Variants in MORC1 observed in about 807,000 individuals in gnomAD.
The protein encoded by MORC1 is MORC family CW-type zinc finger protein 1.
MORC1 carries 59 observed loss-of-function variants against 134.9 expected under a neutral mutation model. That is an observed-to-expected ratio of 0.44 (90% CI 0.35 to 0.54). The LOEUF (loss-of-function observed/expected upper bound fraction) is 0.54. Among genes scored for constraint, MORC1 ranks in the 20% least tolerant of loss-of-function variants. The probability of loss-of-function intolerance (pLI) is 0.00; values close to 1 mark genes in which losing one functional copy is unlikely to be tolerated. For missense variants in MORC1, 947 were observed against 1,134.5 expected (o/e 0.83, Z 2.37); for synonymous variants, 395 against 391.7 (o/e 1.01, Z -0.10).
At chr3:109,023,025 T>C (rs962136346) in intron 17 of MORC1, among the ~76,000 whole-genome samples, 7 of 145,304 alleles carry the variant, frequency 4.8e-5, no homozygotes, top group Non-Finnish European at 7.6e-5. Flanking sequence ...CTTTTCTAAG[T>C]AGGTAAATGA....
chr3:109,009,301 GT>G (rs1429869217), intron 17 of MORC1, among the ~76,000 whole-genome samples: 1 of 150,200 alleles, frequency 6.7e-6, no homozygotes, highest in East Asian at 1.9e-4. Context: ...CACCTCCTGG[GT>G]TCGAGTGATC....
intron 17 of MORC1, among the ~76,000 whole-genome samples, chr3:109,017,264 C>G (rs766072121): frequency 1.4e-4 from 21 of 152,102 alleles, no homozygotes; most frequent in Non-Finnish European, 2.6e-4. Context: ...ATTTAATAAT[C>G]TAATGGAATT....
chr3:109,031,681 G>C (rs960369417), intron 16 of MORC1, among the ~76,000 whole-genome samples: 3 of 152,176 alleles, frequency 2.0e-5, no homozygotes, highest in Non-Finnish European at 4.4e-5. Context: ...AAGAAGAATA[G>C]AACAGTGTTT....
intron 14 of MORC1, among the ~76,000 whole-genome samples, chr3:109,045,980 T>TTTTAGAACC: frequency 6.6e-6 from 1 of 152,254 alleles, no homozygotes; most frequent in Admixed American, 6.5e-5. Flanking sequence ...TGCAAGAAAC[T>TTTTAGAACC]TTTAGAACCC....
chr3:109,022,335 A>C (rs1948977937), intron 17 of MORC1, among the ~76,000 whole-genome samples: 2 of 152,350 alleles, frequency 1.3e-5, no homozygotes, highest in East Asian at 3.9e-4. Context: ...TCTTCATACA[A>C]AGCTGTACTC....
At chr3:108,973,259 A>G (rs1442121818) in intron 24 of MORC1, among the ~76,000 whole-genome samples, 3 of 152,198 alleles carry the variant, frequency 2.0e-5, no homozygotes, top group African/African-American at 7.2e-5. Flanking sequence ...AACCCAATAC[A>G]ATCTTACTGA....
Position 108,963,588 on chromosome 3 carries a change from G to A in MORC1, c.2625C>T (p.Val875=), listed in dbSNP as rs1947140723. The A allele has an allele frequency of 6.4e-7, 1 of 1,566,030 alleles. No individual in the cohort carries two copies. The highest frequency in any genetic ancestry group is 8.6e-7 in the Non-Finnish European group (1 of 1,157,860). ...TCCTCTTTATTTTTTTTTCATATTG[G>A]ACCATGTAAGTATTCTGTATCTGGG... The part of the protein sequence containing the change: ...CFNQIQNTYM[V]QYEKKIKRKL... Residue 875 remains valine, a synonymous_variant, in exon 27 of 28, where the codon GTC becomes GTT. Transcript: ENST00000232603.
chr3:109,011,889 CT>C (rs1948694507), intron 17 of MORC1, among the ~76,000 whole-genome samples: 1 of 152,218 alleles, frequency 6.6e-6, no homozygotes, highest in South Asian at 2.1e-4. Context: ...CAAATATTTT[CT>C]CCCAGTCTGT....
At chr3:108,966,761 G>GGGA (rs1947230549) in intron 26 of MORC1, among the ~76,000 whole-genome samples, 1 of 152,144 alleles carries the variant, frequency 6.6e-6, no homozygotes, top group Non-Finnish European at 1.5e-5. Flanking sequence ...TGTGTATTGG[G>GGGA]AGAGTCGATA....
intron 14 of MORC1, among the ~76,000 whole-genome samples, chr3:109,036,079 C>A (rs970265494): frequency 1.4e-5 from 2 of 147,968 alleles, no homozygotes; most frequent in Non-Finnish European, 3.0e-5. Context: ...ATTATCCTTA[C>A]ACACATACAT....
rs1429968605 is a variant in MORC1, at chr3:108,975,853, T to C, written c.2477+3662A>G. Reference sequence around the variant, plus strand: ...AGGATCATCTGATAAAATTTAATAGTCTGGAACCAGTTCAGCTTATGTACC... The same window carrying C: ...AGGATCATCTGATAAAATTTAATAGCCTGGAACCAGTTCAGCTTATGTACC... On this transcript the variant is annotated intron_variant, in intron 24 of 27. Coordinates refer to ENST00000232603, the MANE Select transcript of MORC1 (RefSeq NM_014429.4). 1.3e-5 allele frequency among the ~76,000 whole-genome samples: 2 copies of C among 152,092 alleles called. 1 individual carries two copies. Among genetic ancestry groups the C allele is most frequent in the African/African-American group, 4.8e-5 (2 of 41,430 alleles).
intron 15 of MORC1, among the ~76,000 whole-genome samples, chr3:109,033,307 AGG>A (rs1218719858): frequency 1.1e-5 from 1 of 90,614 alleles, no homozygotes; most frequent in Non-Finnish European, 2.6e-5. Flanking sequence ...GAAGGAAGGA[AGG>A]AAGGAAGGAA....
chr3:109,104,611 A>C (rs1950988330), intron 3 of MORC1, among the ~76,000 whole-genome samples: 1 of 152,120 alleles, frequency 6.6e-6, no homozygotes, highest in East Asian at 1.9e-4. Context: ...GGATCACTTG[A>C]GGCCAGGGGT....
chr3:109,013,161 C>T (rs187642096), intron 17 of MORC1, among the ~76,000 whole-genome samples: 23 of 152,064 alleles, frequency 1.5e-4, no homozygotes, highest in African/African-American at 4.8e-4. Flanking sequence ...AATTCTTTAA[C>T]GTTTTTCTTG....
At position 108,960,222 on chromosome 3, in the gene MORC1, G is replaced by A. The variant is rs74897666; in HGVS notation, c.2800-1102C>T. 6.4e-3 allele frequency among the ~76,000 whole-genome samples: 981 copies of A among 152,264 alleles called. 6 individuals are homozygous for A. Among genetic ancestry groups the A allele is most frequent in the African/African-American group, 0.021 (864 of 41,536 alleles). ...ATGATGCTTAATAGCAGAAACAATCGCCAACACCACAGACATCTCAAGTGG... is the reference window on the plus strand; with the variant it reads ...ATGATGCTTAATAGCAGAAACAATCACCAACACCACAGACATCTCAAGTGG... On this transcript the variant is annotated intron_variant, in intron 27 of 27. Coordinates refer to ENST00000232603, the MANE Select transcript of MORC1 (RefSeq NM_014429.4).
intron 18 of MORC1, 81 bp downstream of exon 18, chr3:109,006,948 G>A (rs1948554056): frequency 4.5e-6 from 5 of 1,100,318 alleles, no homozygotes; most frequent in Non-Finnish European, 6.6e-6. Context: ...AAACCATGAT[G>A]ACAGTTGGCC....
chr3:108,971,622 G>A (rs1471623481), intron 24 of MORC1, among the ~76,000 whole-genome samples: 1 of 152,124 alleles, frequency 6.6e-6, no homozygotes, highest in African/African-American at 2.4e-5. Flanking sequence ...GGCAATAGGA[G>A]GGACCATTCT....
At chr3:109,004,545 G>A (rs530162538) in intron 20 of MORC1, among the ~76,000 whole-genome samples, 1 of 152,248 alleles carries the variant, frequency 6.6e-6, no homozygotes, top group South Asian at 2.1e-4. Context: ...AACTCTGTAA[G>A]AATAAATGTG....
intron 17 of MORC1, among the ~76,000 whole-genome samples, chr3:109,012,058 A>G (rs1948698411): frequency 6.6e-6 from 1 of 152,130 alleles, no homozygotes; most frequent in South Asian, 2.1e-4. Context: ...ATTTCTTCCT[A>G]TATTTTCTTC....
Sources: gnomAD v4.1 joint callset for allele counts (sites outside exome capture counted in the v4.1 genomes callset) on GRCh38, gnomAD v4.1.1 for gene constraint, MANE v1.5 for transcripts, NCBI Gene and HGNC (gene_info 2026-07-23, HGNC 2026-07-21) for gene names.